TMX3: variants seen among roughly 807,000 people sequenced by gnomAD.
TMX3 encodes the protein protein disulfide-isomerase TMX3.
In TMX3, 40 loss-of-function variants were observed where a neutral mutation model predicts 64.4. The observed-to-expected ratio is 0.62, with a 90% CI of 0.48 to 0.81. The LOEUF (loss-of-function observed/expected upper bound fraction) is 0.81. TMX3 is among the 30% of genes least tolerant of loss of function. The pLI, the probability that TMX3 is intolerant of heterozygous loss-of-function variation, is 0.00. For missense variants in TMX3, 497 were observed against 534.5 expected (o/e 0.93, Z 0.69); for synonymous variants, 189 against 175.7 (o/e 1.08, Z -0.60).
intron 8 of TMX3, among the ~76,000 whole-genome samples, chr18:68,693,665 C>T (rs1420193650): frequency 1.3e-5 from 2 of 152,082 alleles, no homozygotes; most frequent in African/African-American, 2.4e-5. Flanking sequence ...GCTGGCTCCT[C>T]GGCATGAACA....
At chr18:68,699,214 G>T (rs185116378) in intron 6 of TMX3, among the ~76,000 whole-genome samples, 1,719 of 152,198 alleles carry the variant, frequency 0.011, 12 homozygotes, top group African/African-American at 0.018. Context: ...GTAACTAAAT[G>T]TAAGTGATGC....
At chr18:68,694,613 G>A (rs1222627524) in intron 8 of TMX3, among the ~76,000 whole-genome samples, 1 of 151,958 alleles carries the variant, frequency 6.6e-6, no homozygotes, top group Non-Finnish European at 1.5e-5. Context: ...GTGGGCGCAA[G>A]CAAAACCCAA....
Position 68,676,697 on chromosome 18 carries a change from C to G in TMX3, c.*236G>C. On this transcript the variant is annotated 3_prime_UTR_variant, in exon 16 of 16. Coordinates refer to ENST00000299608, the MANE Select transcript of TMX3 (RefSeq NM_019022.5). Reference sequence around the variant, plus strand: ...AAATAGAATTGTTCTGTTCTAATCACAAAGATCAGGTAAATTTTGATGGAG... The same window carrying G: ...AAATAGAATTGTTCTGTTCTAATCAGAAAGATCAGGTAAATTTTGATGGAG... 3.8e-6 allele frequency: 2 copies of G among 530,660 alleles called. No homozygotes were observed. The highest frequency in any genetic ancestry group is 6.6e-6 in the Non-Finnish European group (2 of 301,114). 32.9% of individuals were successfully genotyped at this position (530,660 alleles called of 1,614,324 possible).
chr18:68,714,856 G>T, intron 1 of TMX3, 80 bp downstream of exon 1: 1 of 1,538,348 alleles, frequency 6.5e-7, no homozygotes, highest in South Asian at 1.2e-5. Context: ...CCTCGCCCCA[G>T]ACCCGGGTCC....
At chr18:68,683,031 G>A (rs1913596379) in intron 12 of TMX3, 50 bp from the exon 13 acceptor site, 3 of 1,509,390 alleles carry the variant, frequency 2.0e-6, no homozygotes, top group Admixed American at 1.8e-5. Context: ...GGGGGTGGGG[G>A]GAGAGAGAGA....
intron 10 of TMX3, among the ~76,000 whole-genome samples, chr18:68,686,147 G>A (rs1226371272): frequency 2.6e-5 from 4 of 152,104 alleles, no homozygotes; most frequent in Admixed American, 2.6e-4. Flanking sequence ...TCAGGAGGCT[G>A]CTATGGTGCT....
intron 4 of TMX3, 50 bp downstream of exon 4, chr18:68,709,967 TATAA>T (rs2031097891): frequency 6.6e-7 from 1 of 1,506,912 alleles, no homozygotes; most frequent in African/African-American, 1.4e-5. Context: ...TACTGTTGCA[TATAA>T]ATGTTTTTGC....
At chr18:68,701,490 T>C (rs1427733070) in intron 5 of TMX3, 3 of 592,568 alleles carry the variant, frequency 5.1e-6, no homozygotes, top group Non-Finnish European at 8.1e-6. Context: ...AATTTATGAC[T>C]GTATACTTGT....
At chr18:68,691,382 A>C (rs1363211557) in intron 8 of TMX3, 21 bp from the exon 9 acceptor site, 1 of 1,450,578 alleles carries the variant, frequency 6.9e-7, no homozygotes, top group Non-Finnish European at 9.2e-7. Context: ...TCAGAAGTTT[A>C]AATAACTTTT....
At chr18:68,688,489 C>A (rs192619336) in intron 9 of TMX3, 1 of 152,162 alleles carries the variant, frequency 6.6e-6, no homozygotes, top group African/African-American at 2.4e-5. Flanking sequence ...AAAATTATTA[C>A]AATTGCATAA....
intron 8 of TMX3, among the ~76,000 whole-genome samples, chr18:68,695,029 A>G (rs1474175247): frequency 6.6e-6 from 1 of 152,126 alleles, no homozygotes; most frequent in Non-Finnish European, 1.5e-5. Flanking sequence ...ATTACTGCCA[A>G]ATTCCTAAGG....
At position 68,676,920 on chromosome 18, in the gene TMX3, T is replaced by A; in HGVS notation, c.*13A>T. On this transcript the variant is annotated 3_prime_UTR_variant, in exon 16 of 16. Transcript: ENST00000299608. ...ATTTGAAGTCCTAACAAATATTTTA[T>A]AGTCATCAAGTCTCAATCTTTCTTC... 6.2e-7 allele frequency: 1 copy of A among 1,602,924 alleles called. No individual in the cohort carries two copies. Among genetic ancestry groups the A allele is most frequent in the Non-Finnish European group, 8.5e-7 (1 of 1,176,366 alleles).
Position 68,684,213 on chromosome 18 carries a change from T to C in TMX3, c.825A>G (p.Arg275=), listed in dbSNP as rs564100426. 2 of 1,612,028 alleles carry C rather than the reference T, an allele frequency of 1.2e-6. No homozygotes were observed. The highest frequency in any genetic ancestry group is 4.5e-5 in the East Asian group (2 of 44,764). Residue 275 remains arginine (R), a synonymous_variant, in exon 12 of 16, where the codon AGA becomes AGG. Coordinates refer to ENST00000299608, the MANE Select transcript of TMX3 (RefSeq NM_019022.5). ...RLKSIIQEVA[R]DYRDLFHRDF... Reference sequence around the variant, plus strand: ...ACCTATGGAAGAGGTCTCTGTAATCTCTTGCAACTTCCTGAATAATTGACT... The same window carrying C: ...ACCTATGGAAGAGGTCTCTGTAATCCCTTGCAACTTCCTGAATAATTGACT...
Position 68,701,901 on chromosome 18 carries a change from T to A in TMX3, c.266-111A>T, listed in dbSNP as rs138508868. On this transcript the variant is annotated intron_variant, in intron 4 of 15. Coordinates refer to ENST00000299608, the MANE Select transcript of TMX3 (RefSeq NM_019022.5). The stretch of plus-strand genomic sequence containing the variant: ...GAGATATTTATACAACCCATATAGA[T>A]ACGTTGTTTTTAAGTCTTAAGATTA... 1.6e-4 allele frequency: 125 copies of A among 777,108 alleles called. 1 individual carries two copies. In the East Asian group the frequency reaches 3.3e-3, roughly 21 times the overall value. 48.1% of individuals were successfully genotyped at this position (777,108 alleles called of 1,614,324 possible). A position where few individuals can be genotyped will look rare whatever the true frequency, so the allele number is the denominator to read the frequency against.
intron 2 of TMX3, among the ~76,000 whole-genome samples, chr18:68,713,181 T>C (rs1017182659): frequency 2.6e-5 from 4 of 151,562 alleles, no homozygotes; most frequent in Admixed American, 6.6e-5. Context: ...AGGACTAGAG[T>C]AGAAAAGTGC....
chr18:68,686,161 A>G (rs1448018741), intron 10 of TMX3, among the ~76,000 whole-genome samples: 1 of 152,124 alleles, frequency 6.6e-6, no homozygotes, highest in African/African-American at 2.4e-5. Flanking sequence ...TGGTGCTAGC[A>G]TCAGGGGACA....
In TMX3 at chr18:68,713,919, A is replaced by G; in HGVS notation, c.47-19T>C. On this transcript the variant is annotated intron_variant, in intron 1 of 15. Coordinates refer to ENST00000299608, the MANE Select transcript of TMX3 (RefSeq NM_019022.5). The stretch of plus-strand genomic sequence containing the variant: ...ACAACAACTGAAAAAAAAAGACAAA[A>G]TGTACACAATAAATGCTGATTATTT... 6.6e-7 allele frequency: 1 copy of G among 1,525,078 alleles called. No individual in the cohort carries two copies. Among genetic ancestry groups the G allele is most frequent in the South Asian group, 1.2e-5 (1 of 84,796 alleles). The allele number at this position is 1,525,078 out of a possible 1,614,324, so 94.5% of individuals were successfully genotyped here.
rs760790303 is a variant in TMX3, at chr18:68,715,025, A to T, written c.-44T>A. The T allele has an allele frequency of 2.6e-6, 4 of 1,553,984 alleles. No individual in the cohort carries two copies. The South Asian group carries it at 3.6e-5, about 14-fold the overall frequency. ...CAGAAGCTGACTGTGCAAAAGAGGGATAAAGACACTGGGGTCCGCCGCCTG... is the reference window on the plus strand; with the variant it reads ...CAGAAGCTGACTGTGCAAAAGAGGGTTAAAGACACTGGGGTCCGCCGCCTG... On this transcript the variant is annotated 5_prime_UTR_variant, in exon 1 of 16. Transcript: ENST00000299608.
At chr18:68,694,792 A>T (rs1354926408) in intron 8 of TMX3, among the ~76,000 whole-genome samples, 3 of 152,222 alleles carry the variant, frequency 2.0e-5, no homozygotes, top group African/African-American at 7.2e-5. Flanking sequence ...GTTGAAAATC[A>T]TTGTGGGGTA....
Sources: allele counts gnomAD v4.1 joint callset (sites outside exome capture counted in the v4.1 genomes callset), GRCh38; gene constraint gnomAD v4.1.1; transcripts MANE v1.5; gene names NCBI Gene and HGNC (gene_info 2026-07-23, HGNC 2026-07-21).